CDRT4: variants seen among roughly 807,000 people sequenced by gnomAD.
The protein encoded by CDRT4 is CMT1A duplicated region transcript 4, also known as CMT1A duplicated region transcript 4 protein.
For synonymous variants in CDRT4, 64 were observed against 69.6 expected, an observed-to-expected ratio of 0.92 and a Z score of 0.40; for missense variants, 167 against 193.1, an observed-to-expected ratio of 0.87 and a Z score of 0.80.
chr17:15,459,436 T>C (rs889627058), intron 1 of CDRT4, among the ~76,000 whole-genome samples: 2 of 144,064 alleles, frequency 1.4e-5, no homozygotes, highest in African/African-American at 5.5e-5. Context: ...TTTCTTTTTT[T>C]TTCTTTTTTT....
chr17:15,438,217 A>G lies in CDRT4; in HGVS notation c.32-17T>C. 1 of 1,607,166 alleles carries G rather than the reference A, an allele frequency of 6.2e-7. No individual in the cohort carries two copies. The highest frequency in any genetic ancestry group is 8.5e-7 in the Non-Finnish European group (1 of 1,175,818). ...CTGTGAGTCCTACCAACAAAGAGAAATGCAGGCCATTTAGAGGCAGTCACA... is the reference window on the plus strand; with the variant it reads ...CTGTGAGTCCTACCAACAAAGAGAAGTGCAGGCCATTTAGAGGCAGTCACA... On this transcript the variant is annotated splice_polypyrimidine_tract_variant and intron_variant, in intron 3 of 3. Coordinates refer to ENST00000619038, the MANE Select transcript of CDRT4 (RefSeq NM_001204477.2).
At chr17:15,461,115 C>T (rs542202264) in intron 1 of CDRT4, among the ~76,000 whole-genome samples, 3 of 152,296 alleles carry the variant, frequency 2.0e-5, no homozygotes, top group East Asian at 3.9e-4. Context: ...TCTGTTTCCC[C>T]GACAGCACTT....
At chr17:15,442,172 AGACCACGACGGGCG>A (rs1264896849) in intron 2 of CDRT4, among the ~76,000 whole-genome samples, 16 of 152,164 alleles carry the variant, frequency 1.1e-4, no homozygotes. Context: ...GCACTTTGGG[AGACCACGACGGGCG>A]GATCACCTGA....
intron 1 of CDRT4, among the ~76,000 whole-genome samples, chr17:15,462,458 A>G: frequency 6.6e-6 from 1 of 151,248 alleles, no homozygotes; most frequent in Admixed American, 6.6e-5. Context: ...AAAAGATTCT[A>G]AAGAAAAGTA....
chr17:15,436,062 C>T lies in CDRT4; in HGVS notation c.*1711G>A, dbSNP rs191680971. 3.3e-5 allele frequency: 5 copies of T among 152,244 alleles called. No individual in the cohort carries two copies. The highest frequency in any genetic ancestry group is 1.3e-4 in the Admixed American group (2 of 15,286). 9.4% of individuals were successfully genotyped at this position (152,244 alleles called of 1,614,324 possible). On this transcript the variant is annotated 3_prime_UTR_variant, in exon 4 of 4. Coordinates refer to ENST00000619038, the MANE Select transcript of CDRT4 (RefSeq NM_001204477.2). ...TATTGCCTGCCTCCATGTCTATAAA[C>T]GTTCCATGGACACAAAATACAATCA... is the stretch of plus-strand genomic sequence containing the variant.
intron 1 of CDRT4, among the ~76,000 whole-genome samples, chr17:15,462,997 T>C (rs1979826046): frequency 1.3e-5 from 2 of 151,920 alleles, no homozygotes; most frequent in Non-Finnish European, 2.9e-5. Flanking sequence ...GATATTAAGA[T>C]AGTTGAGCAG....
chr17:15,456,269 T>C (rs78418632), intron 1 of CDRT4, among the ~76,000 whole-genome samples: 2,437 of 152,090 alleles, frequency 0.016, 66 homozygotes, highest in African/African-American at 0.056. Flanking sequence ...CTAATATGAC[T>C]AGAGGGGTTG....
intron 2 of CDRT4, among the ~76,000 whole-genome samples, chr17:15,447,393 G>A (rs576315755): frequency 2.8e-4 from 43 of 152,244 alleles, no homozygotes; most frequent in African/African-American, 1.0e-3. Context: ...ATGATGGGCA[G>A]TGGGCATGGT....
chr17:15,465,505 A>C (rs1597473435), intron 1 of CDRT4, among the ~76,000 whole-genome samples: 2 of 151,436 alleles, frequency 1.3e-5, no homozygotes, highest in Non-Finnish European at 2.9e-5. Flanking sequence ...AAACACAGAC[A>C]CACACAACAC....
At chr17:15,455,799 G>C (rs1346084853) in intron 1 of CDRT4, among the ~76,000 whole-genome samples, 1 of 152,154 alleles carries the variant, frequency 6.6e-6, no homozygotes, top group African/African-American at 2.4e-5. Flanking sequence ...ATTTGGAAGT[G>C]GATTCTCCTC....
At chr17:15,449,175 GCCGATTGGTCCCACGTGGAGTAA>G (rs1233137590) in intron 2 of CDRT4, among the ~76,000 whole-genome samples, 1 of 152,242 alleles carries the variant, frequency 6.6e-6, no homozygotes, top group Non-Finnish European at 1.5e-5. Context: ...ACGCCACTGT[GCCGATTGGTCCCACGTGGAGTAA>G]CAGCTAACAT....
chr17:15,460,523 T>G (rs1979698632), intron 1 of CDRT4, among the ~76,000 whole-genome samples: 2 of 152,184 alleles, frequency 1.3e-5, no homozygotes, highest in African/African-American at 4.8e-5. Context: ...GAGGGTAAAA[T>G]TGAGGCATAT....
At chr17:15,438,980 T>C (rs1384059002) in intron 3 of CDRT4, among the ~76,000 whole-genome samples, 3 of 151,804 alleles carry the variant, frequency 2.0e-5, no homozygotes, top group Non-Finnish European at 4.4e-5. Context: ...AAGTTTGGGG[T>C]GTTTGCCGAG....
rs967204231 is a variant in CDRT4 at position 15,440,430 on chromosome 17, T to G, written c.-47-145A>C. ...ACCCCCTGAGAAGAGGACATGTTTT[T>G]TGTGGAGCTGGAGACAGGCCAAGTG... is the stretch of plus-strand genomic sequence containing the variant. On this transcript the variant is annotated intron_variant, in intron 2 of 3. Transcript: ENST00000619038. 24 of 959,472 alleles carry G rather than the reference T, an allele frequency of 2.5e-5. No homozygotes were observed. The Admixed American group carries it at 5.4e-4, about 22-fold the overall frequency. The allele number at this position is 959,472 out of a possible 1,614,324, so 59.4% of individuals were successfully genotyped here. A position where few individuals can be genotyped will look rare whatever the true frequency, so the allele number is the denominator to read the frequency against.
At chr17:15,441,230 T>G (rs563148898) in intron 2 of CDRT4, among the ~76,000 whole-genome samples, 1 of 152,192 alleles carries the variant, frequency 6.6e-6, no homozygotes, top group Non-Finnish European at 1.5e-5. Context: ...GCTGGTGCTT[T>G]TGGTCTGGCG....
intron 1 of CDRT4, among the ~76,000 whole-genome samples, chr17:15,456,938 A>T (rs1314389339): frequency 1.3e-5 from 2 of 152,178 alleles, no homozygotes; most frequent in African/African-American, 4.8e-5. Context: ...CCAACATTTA[A>T]TAAAGAGGAG....
chr17:15,441,990 GA>G (rs1271559366), intron 2 of CDRT4, among the ~76,000 whole-genome samples: 1 of 152,134 alleles, frequency 6.6e-6, no homozygotes, highest in Non-Finnish European at 1.5e-5. Context: ...TAAGGCTTCA[GA>G]ATCTAAAGTC....
At chr17:15,443,051 G>T (rs1442533413) in intron 2 of CDRT4, among the ~76,000 whole-genome samples, 4 of 151,996 alleles carry the variant, frequency 2.6e-5, no homozygotes, top group Non-Finnish European at 5.9e-5. Context: ...CAGACTACTG[G>T]GCTTTCAGAG....
At chr17:15,452,126 G>T (rs978125380) in intron 2 of CDRT4, among the ~76,000 whole-genome samples, 1 of 152,220 alleles carries the variant, frequency 6.6e-6, no homozygotes, top group African/African-American at 2.4e-5. Flanking sequence ...AATGGCAAAA[G>T]GTGGGACGTT....
Sources: gnomAD v4.1 joint callset for allele counts (sites outside exome capture counted in the v4.1 genomes callset) on GRCh38, gnomAD v4.1.1 for gene constraint, MANE v1.5 for transcripts, NCBI Gene and HGNC (gene_info 2026-07-23, HGNC 2026-07-21) for gene names.